The following ANTXRL variants were observed in gnomAD, a reference collection of about 807,000 sequenced individuals.
The protein encoded by ANTXRL is anthrax toxin receptor-like.
A neutral mutation model predicts 75.4 loss-of-function variants in ANTXRL; 63 were observed. That is an observed-to-expected ratio of 0.84 (90% CI 0.68 to 1.03). The LOEUF is 1.03. ANTXRL is among the 50% of genes least tolerant of loss of function. The probability of loss-of-function intolerance (pLI) is 0.00; values close to 1 mark genes in which losing one functional copy is unlikely to be tolerated. For synonymous variants in ANTXRL, 335 were observed against 291.3 expected, an observed-to-expected ratio of 1.15 and a Z score of -1.53; for missense variants, 797 against 789.4, an observed-to-expected ratio of 1.01 and a Z score of -0.12.
At chr10:46,318,191 G>A (rs1020951438) in intron 16 of ANTXRL, among the ~76,000 whole-genome samples, 1 of 152,026 alleles carries the variant, frequency 6.6e-6, no homozygotes, top group Non-Finnish European at 1.5e-5. Flanking sequence ...GAATGATTGT[G>A]GTAAGTTTTT....
chr10:46,325,525 C>T (rs1242880332), intron 16 of ANTXRL, among the ~76,000 whole-genome samples: 2 of 152,230 alleles, frequency 1.3e-5, no homozygotes, highest in Non-Finnish European at 2.9e-5. Context: ...TGTAACTTTC[C>T]ATCCTGGCTT....
Position 46,330,047 on chromosome 10 carries a change from C to G in ANTXRL, c.1859C>G (p.Pro620Arg), listed in dbSNP as rs1839424919. 1.3e-6 allele frequency: 2 copies of G among 1,523,538 alleles called. No homozygotes were observed. Among genetic ancestry groups the G allele is most frequent in the East Asian group, 4.9e-5 (2 of 40,640 alleles). The allele number at this position is 1,523,538 out of a possible 1,614,324, so 94.4% of individuals were successfully genotyped here. A position where few individuals can be genotyped will look rare whatever the true frequency, so the allele number is the denominator to read the frequency against. ...CCACTGCTCAGGCACACGGCAGAAC[C>G]CCCTTTGTCACTCCCCCCCTCAGAG... ...LSPLLRHTAE[P>R]PLSLPPSEPN... Residue 620 changes from proline to arginine, a missense_variant, in exon 17 of 17, where the codon CCC (proline) becomes CGC (arginine). Pro to Arg is a moderately radical substitution (Grantham distance 103). Coordinates refer to ENST00000620264, the MANE Select transcript of ANTXRL (RefSeq NM_001278688.3).
At position 46,300,617 on chromosome 10, in the gene ANTXRL, A is replaced by G. The variant is rs182887429; in HGVS notation, c.797-2105A>G. Among the ~76,000 whole-genome samples, 957 of 151,996 alleles carry G rather than the reference A, an allele frequency of 6.3e-3. 16 individuals carry two copies. The highest frequency in any genetic ancestry group is 0.04 in the East Asian group (204 of 5,160). ...CCTGTGCAGAGGTGGGACCAGGTGG[A>G]GCACAGGCACTCTGCAAGCCTTGCC... is the stretch of plus-strand genomic sequence containing the variant. On this transcript the variant is annotated intron_variant, in intron 9 of 16. Coordinates refer to ENST00000620264, the MANE Select transcript of ANTXRL (RefSeq NM_001278688.3).
Position 46,326,520 on chromosome 10 carries a change from G to A in ANTXRL, c.1411-3079G>A, listed in dbSNP as rs542555570. 2.6e-5 allele frequency among the ~76,000 whole-genome samples: 4 copies of A among 152,250 alleles called. No homozygotes were observed. The East Asian group carries it at 7.8e-4, about 30-fold the overall frequency. ...GGGTTTGAGCACAATGGCCTTGGCT[G>A]CCCCTAGGGATTGCTCAGAGGAAAA... On this transcript the variant is annotated intron_variant, in intron 16 of 16. Coordinates refer to ENST00000620264, the MANE Select transcript of ANTXRL (RefSeq NM_001278688.3).
intron 16 of ANTXRL, 36 bp downstream of exon 16, chr10:46,313,352 A>C: frequency 6.6e-7 from 1 of 1,523,536 alleles, no homozygotes; most frequent in South Asian, 1.2e-5. Flanking sequence ...TGATGGACAA[A>C]AGGCCACTGC....
chr10:46,296,274 G>C (rs1414154640), intron 5 of ANTXRL, 22 bp downstream of exon 5: 23 of 1,535,130 alleles, frequency 1.5e-5, no homozygotes, highest in Non-Finnish European at 2.0e-5. Context: ...CCGTCCCCCT[G>C]GTGGTCCTGT....
rs559968591 is a variant in ANTXRL, at chr10:46,303,146, C to A, written c.895+326C>A. Among the ~76,000 whole-genome samples the A allele has an allele frequency of 3.9e-5, 6 of 152,296 alleles. No individual in the cohort carries two copies. The South Asian group carries it at 1.2e-3, about 32-fold the overall frequency. ...CTCAGTTTCCCCTTCCCTTGAGAGCCCAGGACCCAAAGCCCACAAGGCTAC... is the reference window on the plus strand; with the variant it reads ...CTCAGTTTCCCCTTCCCTTGAGAGCACAGGACCCAAAGCCCACAAGGCTAC... On this transcript the variant is annotated intron_variant, in intron 10 of 16. Transcript: ENST00000620264.
intron 3 of ANTXRL, among the ~76,000 whole-genome samples, chr10:46,294,939 G>T (rs1837278021): frequency 6.6e-6 from 1 of 152,136 alleles, no homozygotes; most frequent in Non-Finnish European, 1.5e-5. Context: ...TGCAGGCTCA[G>T]CCTGTCACAT....
Position 46,287,089 on chromosome 10 carries a change from G to A in ANTXRL, c.-174G>A. Reference sequence around the variant, plus strand: ...GAGCCAGCTGCTGACCCTAGTCCCTGCGATCTGGGGAGGTACCTGGTGGAG... The same window carrying A: ...GAGCCAGCTGCTGACCCTAGTCCCTACGATCTGGGGAGGTACCTGGTGGAG... On this transcript the variant is annotated 5_prime_UTR_variant, in exon 1 of 17. Coordinates refer to ENST00000620264, the MANE Select transcript of ANTXRL (RefSeq NM_001278688.3). 4 of 830,308 alleles carry A rather than the reference G, an allele frequency of 4.8e-6. No homozygotes were observed. Among genetic ancestry groups the A allele is most frequent in the Non-Finnish European group, 7.3e-6 (4 of 549,192 alleles). 51.4% of individuals were successfully genotyped at this position (830,308 alleles called of 1,614,324 possible).
At position 46,287,242 on chromosome 10, in the gene ANTXRL, G is replaced by A. The variant is rs1554955425; in HGVS notation, c.-21G>A. On this transcript the variant is annotated 5_prime_UTR_variant, in exon 1 of 17. Transcript: ENST00000620264. ...GCACAGGCACCCAAGAGTGAGGTGGGGTCACAGGGACAGCCAGATAATGGG... is the reference window on the plus strand; with the variant it reads ...GCACAGGCACCCAAGAGTGAGGTGGAGTCACAGGGACAGCCAGATAATGGG... 1.3e-6 allele frequency: 2 copies of A among 1,534,422 alleles called. No homozygotes were observed. The highest frequency in any genetic ancestry group is 4.9e-5 in the East Asian group (2 of 40,908).
intron 15 of ANTXRL, among the ~76,000 whole-genome samples, chr10:46,312,107 T>C (rs116854551): frequency 0.03 from 3,727 of 123,354 alleles, 104 homozygotes; most frequent in Middle Eastern, 0.041. Flanking sequence ...TCCTGACACA[T>C]GTTCTCACCA....
At position 46,287,150 on chromosome 10, in the gene ANTXRL, G is replaced by A; in HGVS notation, c.-113G>A. The A allele has an allele frequency of 7.4e-7, 1 of 1,351,434 alleles. No homozygotes were observed. The highest frequency in any genetic ancestry group is 9.8e-7 in the Non-Finnish European group (1 of 1,016,196). 83.7% of individuals were successfully genotyped at this position (1,351,434 alleles called of 1,614,324 possible). A position where few individuals can be genotyped will look rare whatever the true frequency, so the allele number is the denominator to read the frequency against. ...TGCACTGGTGAAAGGGCAGGAGGAGGGGTGTGGCCCCGGGCATAAGGGGAG... is the reference window on the plus strand; with the variant it reads ...TGCACTGGTGAAAGGGCAGGAGGAGAGGTGTGGCCCCGGGCATAAGGGGAG... On this transcript the variant is annotated 5_prime_UTR_variant, in exon 1 of 17. Coordinates refer to ENST00000620264, the MANE Select transcript of ANTXRL (RefSeq NM_001278688.3).
chr10:46,300,649 T>C (rs148711697), intron 9 of ANTXRL, among the ~76,000 whole-genome samples: 6,445 of 151,554 alleles, frequency 0.043, 231 homozygotes, highest in African/African-American at 0.092. Context: ...TGCCTCACCT[T>C]GAAGGGCCGA....
At chr10:46,308,681 G>A in intron 12 of ANTXRL, 1 of 344,926 alleles carries the variant, frequency 2.9e-6, no homozygotes, top group Non-Finnish European at 5.7e-6. Flanking sequence ...GGAGGCTGAG[G>A]CTCAGAGCAG....
chr10:46,328,497 C>G (rs1449709952), intron 16 of ANTXRL, among the ~76,000 whole-genome samples: 3 of 152,124 alleles, frequency 2.0e-5, no homozygotes, highest in Non-Finnish European at 4.4e-5. Flanking sequence ...GGGAAAGCAG[C>G]CTTCTTTAAA....
Position 46,313,327 on chromosome 10 carries a change from G to T in ANTXRL, c.1410+11G>T. The T allele has an allele frequency of 6.5e-7, 1 of 1,535,558 alleles. No homozygotes were observed. The highest frequency in any genetic ancestry group is 8.7e-7 in the Non-Finnish European group (1 of 1,146,418). ...CAGAGCAGGGACCAGGTGAGCTAGG[G>T]CACAGGGACACAGTTGATGGACAAA... On this transcript the variant is annotated intron_variant, in intron 16 of 16. Transcript: ENST00000620264.
At position 46,292,128 on chromosome 10, in the gene ANTXRL, A is replaced by G. The variant is rs1554956681; in HGVS notation, c.319A>G (p.Ser107Gly). 6.5e-7 allele frequency: 1 copy of G among 1,536,110 alleles called. No individual in the cohort carries two copies. The highest frequency in any genetic ancestry group is 8.7e-7 in the Non-Finnish European group (1 of 1,146,724). Residue 107 changes from serine to glycine, a missense_variant and splice_region_variant, in exon 2 of 17, where the codon AGC becomes GGC. By Grantham distance (56) the Ser-to-Gly change is moderately conservative. Coordinates refer to ENST00000620264, the MANE Select transcript of ANTXRL (RefSeq NM_001278688.3). ...WVEETVARFQ[S>G]PNIRMCFITY... is the part of the protein sequence containing the mutation. Reference sequence around the variant, plus strand: ...GGAGGAAACAGTGGCGAGGTTCCAAAGGTACAGATCTCTGCATGGCAGCCT... The same window carrying G: ...GGAGGAAACAGTGGCGAGGTTCCAAGGGTACAGATCTCTGCATGGCAGCCT...
rs1554955533 is a variant in ANTXRL at position 46,287,430 on chromosome 10, A to T, written c.168A>T (p.Pro56=). The T allele has an allele frequency of 2.0e-6, 3 of 1,535,898 alleles. No homozygotes were observed. Among genetic ancestry groups the T allele is most frequent in the Non-Finnish European group, 1.7e-6 (2 of 1,146,752 alleles). ...GGAGAGCCCACCACCACCATGGCCC[A>T]GGATGGAGGCAGCACTGGCGCCAGG... ...GSRRAHHHHG[P]GWRQHWRQGQ... is the part of the protein sequence containing the mutation. Residue 56 remains proline, a synonymous_variant, in exon 1 of 17, where the codon CCA becomes CCT. Transcript: ENST00000620264.
In ANTXRL at chr10:46,302,773, G is replaced by A. The variant is rs148597284; in HGVS notation, c.848G>A (p.Arg283Gln). The A allele has an allele frequency of 0.049, 75,746 of 1,533,430 alleles. 1,708 individuals carry two copies. The highest frequency in any genetic ancestry group is 0.054 in the Non-Finnish European group (61,272 of 1,144,362). 95.0% of individuals were successfully genotyped at this position (1,533,430 alleles called of 1,614,324 possible). Residue 283 changes from arginine (R) to glutamine (Q), a missense_variant, in exon 10 of 17, where the codon CGG becomes CAG. Around this residue, in one of 3 missense-constraint regions of ANTXRL, gnomAD observed 56 missense variants for 95.5 expected, o/e 0.59. Transcript: ENST00000620264. ...HGNGFQNLKK[R>Q]DEVICRFIFN... is the part of the protein sequence containing the mutation. ...AATGGCTTTCAGAATCTAAAGAAACGGGATGAAGTTATTTGCAGATTTATC... is the reference window on the plus strand; with the variant it reads ...AATGGCTTTCAGAATCTAAAGAAACAGGATGAAGTTATTTGCAGATTTATC...
Sources: allele counts gnomAD v4.1 joint callset (sites outside exome capture counted in the v4.1 genomes callset), GRCh38; gene constraint gnomAD v4.1.1; regional missense constraint gnomAD v4.1.1; transcripts MANE v1.5; gene names NCBI Gene and HGNC (gene_info 2026-07-23, HGNC 2026-07-21).